Variants in TAF2 observed in about 807,000 individuals in gnomAD.
The protein encoded by TAF2 is TATA-box binding protein associated factor 2, also known as transcription initiation factor TFIID subunit 2.
TAF2 carries 61 observed loss-of-function variants against 138.5 expected under a neutral mutation model. That is an observed-to-expected ratio of 0.44 (90% confidence interval 0.36 to 0.54). The LOEUF is 0.54. TAF2 is among the 20% of genes least tolerant of loss of function. The pLI is 0.00. For missense variants in TAF2, 1,090 were observed against 1,427.9 expected, an observed-to-expected ratio of 0.76 and a Z score of 3.81; for synonymous variants, 475 against 469.9, an observed-to-expected ratio of 1.01 and a Z score of -0.14.
At chr8:119,783,321 T>C in intron 16 of TAF2, 60 bp downstream of exon 16, 1 of 1,572,236 alleles carries the variant, frequency 6.4e-7, no homozygotes, top group Non-Finnish European at 8.6e-7. Flanking sequence ...TTTAATTCAT[T>C]TTCAGAGATA....
intron 25 of TAF2, among the ~76,000 whole-genome samples, chr8:119,738,072 AAT>A (rs893202475): frequency 1.3e-5 from 2 of 151,662 alleles, no homozygotes; most frequent in East Asian, 3.9e-4. Context: ...ACTATAATTG[AAT>A]ATAAGTATAC....
chr8:119,828,806 A>G (rs1303067988), intron 2 of TAF2, among the ~76,000 whole-genome samples: 1 of 152,238 alleles, frequency 6.6e-6, no homozygotes, highest in Non-Finnish European at 1.5e-5. Flanking sequence ...TCACACTAAC[A>G]GAATAGCTCA....
rs1381139080 is a variant in TAF2 at position 119,815,399 on chromosome 8, A to C, written c.299+3947T>G. 5.3e-5 allele frequency among the ~76,000 whole-genome samples: 8 copies of C among 151,082 alleles called. 1 individual carries two copies. The East Asian group carries it at 1.6e-3, about 30-fold the overall frequency. On this transcript the variant is annotated intron_variant, in intron 3 of 25. Transcript: ENST00000378164. ...ACGCCATTCTCCTGCCTCAGCCTCC[A>C]GAGTAGCTGGGACTACAGGCGCCTG...
chr8:119,816,419 A>G (rs1311358068), intron 3 of TAF2, among the ~76,000 whole-genome samples: 1 of 152,202 alleles, frequency 6.6e-6, no homozygotes, highest in Non-Finnish European at 1.5e-5. Context: ...AAAACAAATA[A>G]TAAGAAAATG....
chr8:119,812,955 AATAG>A (rs1352049522), intron 3 of TAF2, among the ~76,000 whole-genome samples: 1 of 152,182 alleles, frequency 6.6e-6, no homozygotes, highest in Non-Finnish European at 1.5e-5. Flanking sequence ...TTTTCCTTTT[AATAG>A]ATAGCCAGTA....
At chr8:119,794,121 G>T (rs1586456184) in intron 9 of TAF2, among the ~76,000 whole-genome samples, 1 of 152,006 alleles carries the variant, frequency 6.6e-6, no homozygotes, top group Non-Finnish European at 1.5e-5. Context: ...AGTGAAGACG[G>T]GCGCAGTGGC....
intron 20 of TAF2, among the ~76,000 whole-genome samples, chr8:119,760,087 T>A (rs547036138): frequency 2.2e-3 from 336 of 152,232 alleles, no homozygotes; most frequent in African/African-American, 7.9e-3. Context: ...CCTGCTCTAT[T>A]CTTCACGACT....
At position 119,733,788 on chromosome 8, in the gene TAF2, C is replaced by G. The variant is rs555533409; in HGVS notation, c.3338-1602G>C. 3.3e-5 allele frequency among the ~76,000 whole-genome samples: 5 copies of G among 152,036 alleles called. No individual in the cohort carries two copies. The East Asian group carries it at 7.7e-4, about 23-fold the overall frequency. ...AAATATCTCTTAAATCCGCCCCCCC[C>G]CATCCTAATCCTGTCTGCAACTGTA... is the stretch of plus-strand genomic sequence containing the variant. On this transcript the variant is annotated intron_variant, in intron 25 of 25. Coordinates refer to ENST00000378164, the MANE Select transcript of TAF2 (RefSeq NM_003184.4).
At chr8:119,788,964 T>A in intron 12 of TAF2, 60 bp from the exon 13 acceptor site, 2 of 1,093,612 alleles carry the variant, frequency 1.8e-6, no homozygotes, top group Non-Finnish European at 2.8e-6. Flanking sequence ...ACAAAGTAAG[T>A]TATCCATCAT....
At chr8:119,773,698 A>G (rs1043234411) in intron 18 of TAF2, among the ~76,000 whole-genome samples, 1 of 151,454 alleles carries the variant, frequency 6.6e-6, no homozygotes. Flanking sequence ...TATAGATTCT[A>G]TAATTGACCA....
chr8:119,821,668 A>T (rs1452350277), intron 2 of TAF2, among the ~76,000 whole-genome samples: 1 of 152,180 alleles, frequency 6.6e-6, no homozygotes, highest in Non-Finnish European at 1.5e-5. Context: ...ACTGTATGAT[A>T]TTGAGCTAGT....
At chr8:119,791,708 T>C (rs1823442177) in intron 10 of TAF2, 3 of 407,774 alleles carry the variant, frequency 7.4e-6, no homozygotes, top group Non-Finnish European at 4.5e-6. Flanking sequence ...GATACAATAC[T>C]GTAAATACTT....
At chr8:119,813,849 C>T (rs967723621) in intron 3 of TAF2, among the ~76,000 whole-genome samples, 1 of 152,142 alleles carries the variant, frequency 6.6e-6, no homozygotes, top group African/African-American at 2.4e-5. Flanking sequence ...AGCATGGTGG[C>T]TTATGCCTGT....
At chr8:119,785,321 A>T in intron 14 of TAF2, 55 bp from the exon 15 acceptor site, 1 of 1,215,710 alleles carries the variant, frequency 8.2e-7, no homozygotes, top group Non-Finnish European at 1.2e-6. Flanking sequence ...TTCTGAATGG[A>T]CATTAACAGC....
intron 4 of TAF2, among the ~76,000 whole-genome samples, chr8:119,805,806 G>C (rs1486612817): frequency 6.6e-6 from 1 of 151,988 alleles, no homozygotes; most frequent in Non-Finnish European, 1.5e-5. Flanking sequence ...GTTAGCCAGT[G>C]ATCCTTAATA....
intron 21 of TAF2, among the ~76,000 whole-genome samples, 195 bp downstream of exon 21, chr8:119,757,878 A>C (rs1820805291): frequency 6.6e-6 from 1 of 152,162 alleles, no homozygotes; most frequent in Non-Finnish European, 1.5e-5. Context: ...CCTGGGCCAC[A>C]GAGTGAGACT....
Position 119,819,330 on chromosome 8 carries a change from A to C in TAF2, c.299+16T>G. On this transcript the variant is annotated intron_variant, in intron 3 of 25. Transcript: ENST00000378164. ...AAAACTGTTAAAAATAGTGACTTTT[A>C]AAGTGCATAACTTACTGTTTTGATT... The C allele has an allele frequency of 6.2e-7, 1 of 1,611,126 alleles. No individual in the cohort carries two copies. The highest frequency in any genetic ancestry group is 1.3e-5 in the African/African-American group (1 of 75,002).
chr8:119,818,514 A>G (rs1230856516), intron 3 of TAF2, among the ~76,000 whole-genome samples: 1 of 152,210 alleles, frequency 6.6e-6, no homozygotes, highest in African/African-American at 2.4e-5. Context: ...AAAGTAGTAG[A>G]CATTTAAACA....
In TAF2 at chr8:119,732,171, G is replaced by A. The variant is rs1563804475; in HGVS notation, c.3353C>T (p.Pro1118Leu). 1.2e-6 allele frequency: 2 copies of A among 1,614,128 alleles called. No individual in the cohort carries two copies. The highest frequency in any genetic ancestry group is 8.5e-7 in the Non-Finnish European group (1 of 1,180,008). The part of the protein sequence containing the change: ...ARKGTGKEQA[P>L]LEMSMHPAAS... ...CGCTGGATGCATACTCATCTCCAAA[G>A]GTGCTTGTTCTTTACCTTCAAGATT... Residue 1118 changes from proline (P) to leucine (L), a missense_variant, in exon 26 of 26, where the codon CCT (proline) becomes CTT (leucine). Pro to Leu is a moderately conservative substitution (Grantham distance 98, BLOSUM62 -3). This residue lies in a region of TAF2 where 580 missense variants were observed against 719.6 expected (regional missense o/e 0.81). Transcript: ENST00000378164.
Sources: allele counts gnomAD v4.1 joint callset (sites outside exome capture counted in the v4.1 genomes callset), GRCh38; gene constraint gnomAD v4.1.1; regional missense constraint gnomAD v4.1.1; transcripts MANE v1.5; gene names NCBI Gene and HGNC (gene_info 2026-07-23, HGNC 2026-07-21).